The following KIRREL2 variants were observed in gnomAD, a reference collection of about 807,000 sequenced individuals.
The protein encoded by KIRREL2 is kirre like nephrin family adhesion molecule 2.
A neutral mutation model predicts 73.4 loss-of-function variants in KIRREL2; 56 were observed. That is an observed-to-expected ratio of 0.76 (90% CI 0.62 to 0.95). KIRREL2 has a LOEUF of 0.95. Among genes scored for constraint, KIRREL2 ranks in the 40% least tolerant of loss-of-function variants. KIRREL2 has a pLI of 0.00. For missense variants in KIRREL2, 896 were observed against 935.0 expected (o/e 0.96, Z 0.54); for synonymous variants, 407 against 404.0 (o/e 1.01, Z -0.09).
upstream of KIRREL2, chr19:35,856,704 G>T: frequency 2.9e-6 from 1 of 347,602 alleles, no homozygotes; most frequent in Non-Finnish European, 5.5e-6. The surrounding 1 kb of genome is among the most constrained non-coding windows in gnomAD (Gnocchi z 5.9). Flanking sequence ...GTCCAACCCA[G>T]CCGGGACCCC....
At chr19:35,856,131 C>T (rs753946547), upstream of KIRREL2, among the ~76,000 whole-genome samples, 1 of 152,234 alleles carries the variant, frequency 6.6e-6, no homozygotes, top group Non-Finnish European at 1.5e-5. This position sits in a 1 kb window ranked among gnomAD's most constrained non-coding sequence, Gnocchi z 5.9. Context: ...CTCGGGGTCC[C>T]TCCCACCTGC....
rs770981025 is a variant in KIRREL2 at position 35,862,539 on chromosome 19, C to G, written c.1557C>G (p.Thr519=). Reference sequence around the variant, plus strand: ...TAGTGGCCGGAGTGGCCGCTGCCACCACAACTCTCCTTATGGTCATCACTG... The same window carrying G: ...TAGTGGCCGGAGTGGCCGCTGCCACGACAACTCTCCTTATGGTCATCACTG... ...VRIVAGVAAA[T]TTLLMVITGV... is the part of the protein sequence containing the mutation. The change falls in exon 12 of 15, where the codon ACC becomes ACG. Residue 519 remains threonine (T), a synonymous_variant. Transcript: ENST00000360202. 1.9e-6 allele frequency: 3 copies of G among 1,610,562 alleles called. No homozygotes were observed. In the African/African-American group the frequency reaches 4.0e-5, roughly 21 times the overall value.
Position 35,857,134 on chromosome 19 carries a change from G to C in KIRREL2, c.15G>C (p.Arg5=). The change falls in exon 1 of 15, where the codon CGG becomes CGC. Residue 5 remains arginine (R), a synonymous_variant. Coordinates refer to ENST00000360202, the MANE Select transcript of KIRREL2 (RefSeq NM_199180.4). ...TTGGGGGACGAATGCTCAGGATGCGGGTCCCCGCCCTCCTCGTCCTCCTCT... is the reference window on the plus strand; with the variant it reads ...TTGGGGGACGAATGCTCAGGATGCGCGTCCCCGCCCTCCTCGTCCTCCTCT... MLRM[R]VPALLVLLFC... 3 of 1,613,858 alleles carry C rather than the reference G, an allele frequency of 1.9e-6. No individual in the cohort carries two copies. In the African/African-American group the frequency reaches 4.0e-5, roughly 22 times the overall value.
In KIRREL2 at chr19:35,866,773, G is replaced by C. The variant is rs1431874436; in HGVS notation, c.*281G>C. 1 of 546,522 alleles carries C rather than the reference G, an allele frequency of 1.8e-6. No individual in the cohort carries two copies. Among genetic ancestry groups the C allele is most frequent in the Non-Finnish European group, 3.2e-6 (1 of 314,022 alleles). 33.9% of individuals were successfully genotyped at this position (546,522 alleles called of 1,614,324 possible). ...CCCTTTGAGGAGAGATGGGGACAGG[G>C]CAGTGGGTGTTGGGAGTTTGGGGCC... On this transcript the variant is annotated 3_prime_UTR_variant, in exon 15 of 15. Transcript: ENST00000360202.
At position 35,864,693 on chromosome 19, in the gene KIRREL2, G is replaced by C. The variant is rs382789; in HGVS notation, c.1771G>C (p.Glu591Gln). ...TDHSDLVLEE[E>Q]GTLETKDPTN... The stretch of plus-strand genomic sequence containing the variant: ...CCACAGTGATCTGGTTCTGGAGGAG[G>C]AAGGGACTCTGGAGACCAAGGTGAG... Residue 591 changes from glutamate (E) to glutamine (Q), a missense_variant, in exon 14 of 15, where the codon GAA (glutamate) becomes CAA (glutamine). Physicochemically the swap from Glu to Gln is conservative, Grantham distance 29. Transcript: ENST00000360202. The C allele has an allele frequency of 6.2e-7, 1 of 1,613,000 alleles. No homozygotes were observed. Among genetic ancestry groups the C allele is most frequent in the Admixed American group, 1.7e-5 (1 of 60,002 alleles).
chr19:35,863,986 A>G (rs182008870), intron 13 of KIRREL2, among the ~76,000 whole-genome samples: 12 of 151,746 alleles, frequency 7.9e-5, no homozygotes, highest in Non-Finnish European at 1.0e-4. Context: ...CGTGTTAGCC[A>G]GGATGGTCTG....
chr19:35,866,585 C>T lies in KIRREL2; in HGVS notation c.*93C>T. On this transcript the variant is annotated 3_prime_UTR_variant, in exon 15 of 15. Coordinates refer to ENST00000360202, the MANE Select transcript of KIRREL2 (RefSeq NM_199180.4). ...GCCAGGACAAGTTGGCGACCTTACTCCTCCAAAACTGAACACAAGGGGAGG... is the reference window on the plus strand; with the variant it reads ...GCCAGGACAAGTTGGCGACCTTACTTCTCCAAAACTGAACACAAGGGGAGG... 1 of 1,561,606 alleles carries T rather than the reference C, an allele frequency of 6.4e-7. No individual in the cohort carries two copies. The highest frequency in any genetic ancestry group is 8.7e-7 in the Non-Finnish European group (1 of 1,143,086).
upstream of KIRREL2, chr19:35,851,568 C>T (rs768382806): frequency 6.2e-7 from 1 of 1,613,854 alleles, no homozygotes; most frequent in Non-Finnish European, 8.5e-7. Flanking sequence ...GGGGTGCTGA[C>T]CCCACAACGC....
In KIRREL2 at chr19:35,861,019, C is replaced by G; in HGVS notation, c.1039C>G (p.Arg347Gly). Reference protein sequence around the residue: ...GNPLPRVTWTRRGGAQVLGSG... With the variant: ...GNPLPRVTWTGRGGAQVLGSG... ...CCCGCTTCCACGGGTAACCTGGACC[C>G]GCCGCGGTGGCGCGCAGGTACAGCC... Residue 347 changes from arginine to glycine, a missense_variant, in exon 8 of 15, where the codon CGC becomes GGC. Transcript: ENST00000360202. The G allele has an allele frequency of 6.2e-7, 1 of 1,611,810 alleles. No individual in the cohort carries two copies. Among genetic ancestry groups the G allele is most frequent in the Non-Finnish European group, 8.5e-7 (1 of 1,179,316 alleles).
chr19:35,864,179 G>A (rs1053761344), intron 13 of KIRREL2, among the ~76,000 whole-genome samples: 10 of 149,500 alleles, frequency 6.7e-5, no homozygotes. Flanking sequence ...GCCCGTTTTT[G>A]TTGTTGTTGT....
At chr19:35,858,121 C>T (rs1466195731) in intron 2 of KIRREL2, among the ~76,000 whole-genome samples, 1 of 151,978 alleles carries the variant, frequency 6.6e-6, no homozygotes, top group Non-Finnish European at 1.5e-5. Flanking sequence ...ACCCCGTGTT[C>T]CTTTCCCCTA....
chr19:35,860,908 G>T lies in KIRREL2; in HGVS notation c.929-1G>T, dbSNP rs1441199278. ...TGTGACCCCTAGTCTCTTTCGTCCAGTTGGGCCGATTCTGCAGGCAAAGCC... is the reference window on the plus strand; with the variant it reads ...TGTGACCCCTAGTCTCTTTCGTCCATTTGGGCCGATTCTGCAGGCAAAGCC... On this transcript the variant is annotated splice_acceptor_variant, in intron 7 of 14. Coordinates refer to ENST00000360202, the MANE Select transcript of KIRREL2 (RefSeq NM_199180.4). LOFTEE classifies it high-confidence loss of function. 35 of 1,613,792 alleles carry T rather than the reference G, an allele frequency of 2.2e-5. No homozygotes were observed. Among genetic ancestry groups the T allele is most frequent in the Non-Finnish European group, 2.9e-5 (34 of 1,179,970 alleles).
upstream of KIRREL2, chr19:35,851,570 C>T (rs369112617): frequency 8.1e-6 from 13 of 1,613,888 alleles, no homozygotes; most frequent in Non-Finnish European, 1.1e-5. Flanking sequence ...GGTGCTGACC[C>T]CACAACGCAG....
At chr19:35,863,840 C>T (rs1307758513) in intron 13 of KIRREL2, among the ~76,000 whole-genome samples, 1 of 151,642 alleles carries the variant, frequency 6.6e-6, no homozygotes, top group Admixed American at 6.6e-5. Flanking sequence ...GTGGCGCGAA[C>T]TCGACTCACT....
upstream of KIRREL2, among the ~76,000 whole-genome samples, chr19:35,853,839 T>C (rs973798318): frequency 1.0e-4 from 10 of 100,078 alleles, no homozygotes; most frequent in Non-Finnish European, 1.3e-4. Context: ...CTCTGGCTAT[T>C]TTTTTTTTTT....
chr19:35,860,723 G>A, intron 7 of KIRREL2, 56 bp downstream of exon 7: 1 of 1,595,826 alleles, frequency 6.3e-7, no homozygotes, highest in Non-Finnish European at 8.5e-7. Context: ...TTTCAGGGCT[G>A]TTGAGGGTCG....
At chr19:35,854,307 T>C (rs534191837), upstream of KIRREL2, among the ~76,000 whole-genome samples, 2 of 151,542 alleles carry the variant, frequency 1.3e-5, no homozygotes, top group South Asian at 4.2e-4. Flanking sequence ...TTTATCTTTC[T>C]TTTTTTTCTT....
In KIRREL2 at chr19:35,864,733, G is replaced by A. The variant is rs1198542577; in HGVS notation, c.1791+20G>A. The A allele has an allele frequency of 6.3e-7, 1 of 1,585,570 alleles. No individual in the cohort carries two copies. Among genetic ancestry groups the A allele is most frequent in the Non-Finnish European group, 8.7e-7 (1 of 1,154,412 alleles). On this transcript the variant is annotated intron_variant, in intron 14 of 14. Coordinates refer to ENST00000360202, the MANE Select transcript of KIRREL2 (RefSeq NM_199180.4). ...ACCAAGGTGAGTGTTGAGAGGGGTG[G>A]GGCTCCCTTCACTGTTGGGAGAGGC...
At chr19:35,855,694 CACACACACACACAT>C (rs1472645018), upstream of KIRREL2, among the ~76,000 whole-genome samples, 379 of 148,134 alleles carry the variant, frequency 2.6e-3, 8 homozygotes, top group East Asian at 0.03. Context: ...CACACACACA[CACACACACACACAT>C]ACACACAGGA....
Sources: gnomAD v4.1 joint callset for allele counts (sites outside exome capture counted in the v4.1 genomes callset) on GRCh38, gnomAD v4.1.1 for gene constraint, Gnocchi (gnomAD v3.1) non-coding constraint, MANE v1.5 for transcripts, NCBI Gene and HGNC (gene_info 2026-07-23, HGNC 2026-07-21) for gene names.